The following PRPF8 variants were observed in gnomAD, a reference collection of about 807,000 sequenced individuals.
The protein encoded by PRPF8 is pre-mRNA-processing-splicing factor 8.
In PRPF8, 64 loss-of-function variants were observed where a neutral mutation model predicts 285.9. The ratio of observed to expected loss-of-function variants is 0.22; its 90% CI spans 0.18 to 0.28. The LOEUF (loss-of-function observed/expected upper bound fraction) is 0.28, where lower values mean the gene tolerates loss of function less well. Among genes scored for constraint, PRPF8 ranks in the 10% least tolerant of loss-of-function variants. The pLI is 1.00. For synonymous variants in PRPF8, 1,325 were observed against 1,118.2 expected, an observed-to-expected ratio of 1.18 and a Z score of -3.69; for missense variants, 1,426 against 3,026.7, an observed-to-expected ratio of 0.47 and a Z score of 12.41.
chr17:1,683,301 A>C (rs1207176148), intron 3 of PRPF8: 1 of 600,954 alleles, frequency 1.7e-6, no homozygotes, highest in Non-Finnish European at 2.9e-6. Context: ...GGCCAGGGAC[A>C]TCTTATAATA....
rs549964754 is a variant in PRPF8 at position 1,660,294 on chromosome 17, A to T, written c.4785+138T>A. 2.6e-5 allele frequency: 38 copies of T among 1,447,154 alleles called. No individual in the cohort carries two copies. In the African/African-American group the frequency reaches 3.7e-4, roughly 14 times the overall value. 89.6% of individuals were successfully genotyped at this position (1,447,154 alleles called of 1,614,324 possible). On this transcript the variant is annotated intron_variant, in intron 30 of 42. Transcript: ENST00000304992. ...TGACTCTCTACAGTACCCTCTCCCC[A>T]CGATTCCACCTGAGCTGACTCTGTA...
intron 37 of PRPF8, chr17:1,654,919 T>C: frequency 4.9e-6 from 1 of 202,148 alleles, no homozygotes; most frequent in South Asian, 7.5e-5. Context: ...GCATGAGCAC[T>C]CAAGCCTGGC....
intron 24 of PRPF8, among the ~76,000 whole-genome samples, chr17:1,669,722 T>TA: frequency 6.6e-6 from 1 of 152,300 alleles, no homozygotes; most frequent in Non-Finnish European, 1.5e-5. Context: ...GAAATGCTCT[T>TA]AGGCAACTGA....
rs773079369 is a variant in PRPF8, at chr17:1,673,528, T to C, written c.3486A>G (p.Pro1162=). ...CCCACTGAACTGTAGTCACTGACCG[T>C]GGCAAGCGGTTCTTGATGTCCCAGA... ...AVFWDIKNRL[P]RSVTTVQWEN... is the part of the protein sequence containing the mutation. The change falls in exon 23 of 43, where the codon CCA becomes CCG. Residue 1162 remains proline (P), a synonymous_variant. Transcript: ENST00000304992. The surrounding 1 kb of genome is among the most constrained non-coding windows in gnomAD (Gnocchi z 5.5). 11 of 1,614,038 alleles carry C rather than the reference T, an allele frequency of 6.8e-6. No homozygotes were observed. The highest frequency in any genetic ancestry group is 1.3e-5 in the African/African-American group (1 of 74,904).
Position 1,656,392 on chromosome 17 carries a change from C to G in PRPF8, c.5793G>C (p.Thr1931=). The G allele has an allele frequency of 6.2e-7, 1 of 1,614,118 alleles. No homozygotes were observed. The highest frequency in any genetic ancestry group is 8.5e-7 in the Non-Finnish European group (1 of 1,180,036). The change falls in exon 36 of 43, where the codon ACG becomes ACC. Residue 1931 remains threonine, a splice_region_variant and synonymous_variant. Coordinates refer to ENST00000304992, the MANE Select transcript of PRPF8 (RefSeq NM_006445.4). ...GATCTTCTCTTCCCGAGGTTCATAC[C>G]GTGTAAGATGAAATAGTCTTGAGCC... ...DDWLKTISSY[T]AFSRLILILR...
At chr17:1,683,381 A>G in intron 3 of PRPF8, 152 bp downstream of exon 3, 1 of 832,436 alleles carries the variant, frequency 1.2e-6, no homozygotes, top group South Asian at 1.4e-5. Flanking sequence ...GCAAAAGTGG[A>G]AGATGTAGAA....
At chr17:1,656,588 A>G (rs1197669572) in intron 35 of PRPF8, 23 bp from the exon 36 acceptor site, 1 of 1,614,006 alleles carries the variant, frequency 6.2e-7, no homozygotes, top group African/African-American at 1.3e-5. Context: ...CAAGTCCAAG[A>G]TGAGAAACAG....
chr17:1,678,502 A>T lies in PRPF8; in HGVS notation c.1854+16T>A, dbSNP rs374667990. 1 of 1,614,152 alleles carries T rather than the reference A, an allele frequency of 6.2e-7. No individual in the cohort carries two copies. Among genetic ancestry groups the T allele is most frequent in the African/African-American group, 1.3e-5 (1 of 75,036 alleles). On this transcript the variant is annotated intron_variant, in intron 13 of 42. Coordinates refer to ENST00000304992, the MANE Select transcript of PRPF8 (RefSeq NM_006445.4). The stretch of plus-strand genomic sequence containing the variant: ...CTGTCTCAAAAAAAAGAAAGTCAGT[A>T]AAGTCAAGGTCTCACCGTGTTGAAA...
In PRPF8 at chr17:1,684,542, C is replaced by T. The variant is rs1264779899; in HGVS notation, c.30G>A (p.Pro10=). The T allele has an allele frequency of 7.4e-6, 12 of 1,612,568 alleles. No homozygotes were observed. The highest frequency in any genetic ancestry group is 3.3e-5 in the South Asian group (3 of 91,088). Residue 10 remains proline (P), a synonymous_variant, in exon 2 of 43, where the codon CCG becomes CCA. Transcript: ENST00000304992. MAGVFPYRG[P]GNPVPGPLAP... is the part of the protein sequence containing the mutation. ...CTAGAGGGCCAGGCACCGGGTTACC[C>T]GGCCCTCGATAAGGAAACACTCCGG...
intron 24 of PRPF8, chr17:1,672,798 T>C (rs1912397047): frequency 1.9e-6 from 1 of 539,444 alleles, no homozygotes; most frequent in Non-Finnish European, 3.3e-6. Flanking sequence ...GCAAAAATAA[T>C]GCTTTTCTGT....
intron 37 of PRPF8, 181 bp from the exon 38 acceptor site, chr17:1,654,197 G>C (rs1911228516): frequency 1.2e-6 from 1 of 867,888 alleles, no homozygotes. Context: ...AGATTCGTCA[G>C]ATCCAAGCGG....
rs749712016 is a variant in PRPF8, at chr17:1,681,561, C to G, written c.783G>C (p.Lys261Asn). 17 of 1,613,716 alleles carry G rather than the reference C, an allele frequency of 1.1e-5. No individual in the cohort carries two copies. In the Admixed American group the frequency reaches 2.8e-4, roughly 27 times the overall value. The change falls in exon 6 of 43, where the codon AAG (lysine) becomes AAC (asparagine). Residue 261 changes from lysine to asparagine, a missense_variant. Lys to Asn is a moderately conservative substitution (Grantham distance 94, BLOSUM62 0). Around this residue, in one of 34 missense-constraint regions of PRPF8, gnomAD observed 157 missense variants for 159.6 expected, o/e 0.98. Transcript: ENST00000304992. The part of the protein sequence containing the change: ...DDNYFYLFDL[K>N]AFFTSKALNM... ...TGAGTGCCTTGGACGTAAAGAAGGC[C>G]TTCAAATCAAACAGGTAGAAGTAGT...
At position 1,676,033 on chromosome 17, in the gene PRPF8, C is replaced by T; in HGVS notation, c.2574G>A (p.Gln858=). The part of the protein sequence containing the change: ...EAYSVKSRLN[Q]SQREELGLIE... ...TCAGACCTAGCTCCTCCCTCTGAGA[C>T]TGGTTCAACCGAGACTTCACACTGA... The change falls in exon 18 of 43, where the codon CAG becomes CAA. Residue 858 remains glutamine, a synonymous_variant. Transcript: ENST00000304992. This position sits in a 1 kb window ranked among gnomAD's most constrained non-coding sequence, Gnocchi z 6.3. 1 of 1,613,358 alleles carries T rather than the reference C, an allele frequency of 6.2e-7. No individual in the cohort carries two copies. Among genetic ancestry groups the T allele is most frequent in the Non-Finnish European group, 8.5e-7 (1 of 1,180,024 alleles).
In PRPF8 at chr17:1,676,326, G is replaced by A. The variant is rs776818959; in HGVS notation, c.2433C>T (p.Thr811=). Residue 811 remains threonine (T), a synonymous_variant, in exon 17 of 43, where the codon ACC becomes ACT. Transcript: ENST00000304992. The surrounding 1 kb of genome is among the most constrained non-coding windows in gnomAD (Gnocchi z 6.3). ...ITAEEAVAVY[T]TTVHWLESRR... ...GGCTTTCCAACCAATGCACTGTGGT[G>A]GTATATACTGCCACTGCTTCCTCCG... 3 of 1,614,118 alleles carry A rather than the reference G, an allele frequency of 1.9e-6. No homozygotes were observed. Among genetic ancestry groups the A allele is most frequent in the African/African-American group, 1.3e-5 (1 of 75,018 alleles).
Position 1,661,010 on chromosome 17 carries a change from G to A in PRPF8, c.4491C>T (p.Thr1497=). Residue 1497 remains threonine (T), a synonymous_variant, in exon 28 of 43, where the codon ACC becomes ACT. Transcript: ENST00000304992. The surrounding 1 kb of genome is among the most constrained non-coding windows in gnomAD (Gnocchi z 7.3). ...ATCCTCACCAGAAAAGCCCCTCCCA[G>A]GTAGGGAAGTAAGTGCCCTTAAAGA... The part of the protein sequence containing the change: ...HTLFKGTYFP[T]WEGLFWEKAS... 6.2e-7 allele frequency: 1 copy of A among 1,614,114 alleles called. No individual in the cohort carries two copies.
intron 39 of PRPF8, chr17:1,652,129 T>C (rs1170735640): frequency 1.4e-5 from 6 of 429,478 alleles, no homozygotes; most frequent in Non-Finnish European, 2.2e-5. Flanking sequence ...AACCAGCACT[T>C]GGTGCTATTT....
At position 1,659,777 on chromosome 17, in the gene PRPF8, G is replaced by A. The variant is rs770321528; in HGVS notation, c.4946+64C>T. The A allele has an allele frequency of 2.5e-6, 4 of 1,578,258 alleles. No individual in the cohort carries two copies. Among genetic ancestry groups the A allele is most frequent in the Non-Finnish European group, 3.5e-6 (4 of 1,151,008 alleles). ...AGACAGGACAATTCCTAAAGTTGCAGGGCTAGAAGAACAGGAAAACGAAAG... is the reference window on the plus strand; with the variant it reads ...AGACAGGACAATTCCTAAAGTTGCAAGGCTAGAAGAACAGGAAAACGAAAG... On this transcript the variant is annotated intron_variant, in intron 31 of 42. Transcript: ENST00000304992. This position sits in a 1 kb window ranked among gnomAD's most constrained non-coding sequence, Gnocchi z 5.1.
In PRPF8 at chr17:1,681,531, C is replaced by A. The variant is rs1352537010; in HGVS notation, c.813G>T (p.Met271Ile). The A allele has an allele frequency of 1.9e-6, 3 of 1,613,146 alleles. No homozygotes were observed. Among genetic ancestry groups the A allele is most frequent in the Non-Finnish European group, 2.5e-6 (3 of 1,179,140 alleles). The stretch of plus-strand genomic sequence containing the variant: ...CAAATTTGGGGCCTCCAGGAATGGC[C>A]ATATTGAGTGCCTTGGACGTAAAGA... ...KAFFTSKALN[M>I]AIPGGPKFEP... is the part of the protein sequence containing the mutation. The change falls in exon 6 of 43, where the codon ATG becomes ATT. Residue 271 changes from methionine to isoleucine, a missense_variant. By Grantham distance (10) the Met-to-Ile change is conservative. Coordinates refer to ENST00000304992, the MANE Select transcript of PRPF8 (RefSeq NM_006445.4).
At chr17:1,683,440 G>A (rs542950628) in intron 3 of PRPF8, 93 bp downstream of exon 3, 1 of 1,374,292 alleles carries the variant, frequency 7.3e-7, no homozygotes. Context: ...TATCCACCAA[G>A]ATGAGCTGTC....
Sources: allele counts gnomAD v4.1 joint callset (sites outside exome capture counted in the v4.1 genomes callset), GRCh38; gene constraint gnomAD v4.1.1; regional missense constraint gnomAD v4.1.1; non-coding constraint Gnocchi (gnomAD v3.1); transcripts MANE v1.5; gene names NCBI Gene and HGNC (gene_info 2026-07-23, HGNC 2026-07-21).